SLC25A48: variants seen among roughly 807,000 people sequenced by gnomAD.
SLC25A48 encodes CTC-321K16.1.
SLC25A48 carries 29 observed loss-of-function variants against 32.2 expected under a neutral mutation model. The ratio of observed to expected loss-of-function variants is 0.90; its 90% CI spans 0.67 to 1.23. SLC25A48 has a LOEUF of 1.23. SLC25A48 is among the 50% of genes most tolerant of loss of function. The pLI is 0.00. For synonymous variants in SLC25A48, 164 were observed against 172.3 expected (o/e 0.95, Z 0.38); for missense variants, 399 against 422.7 (o/e 0.94, Z 0.49).
At chr5:135,887,452 ATGTGTG>A (rs372688192) in intron 7 of SLC25A48, among the ~76,000 whole-genome samples, 5 of 149,748 alleles carry the variant, frequency 3.3e-5, no homozygotes, top group South Asian at 4.3e-4. Flanking sequence ...AAAAATACAT[ATGTGTG>A]TGTGTGTGTG....
chr5:135,757,689 TTAA>T (rs1755951545), intron 3 of SLC25A48, among the ~76,000 whole-genome samples: 3 of 149,934 alleles, frequency 2.0e-5, no homozygotes, highest in Admixed American at 1.3e-4. Context: ...CACTATGATA[TTAA>T]TAAAATATCA....
At chr5:135,699,398 C>T (rs200569270) in intron 3 of SLC25A48, among the ~76,000 whole-genome samples, 46 of 99,812 alleles carry the variant, frequency 4.6e-4, no homozygotes, top group African/African-American at 7.6e-4. Context: ...AAAAACATTA[C>T]GCTGGGAAAA....
intron 6 of SLC25A48, among the ~76,000 whole-genome samples, chr5:135,877,295 G>A (rs1474765366): frequency 2.0e-5 from 3 of 152,206 alleles, no homozygotes; most frequent in Non-Finnish European, 4.4e-5. Flanking sequence ...TGAGCACCTT[G>A]GTAATCTTGG....
intron 3 of SLC25A48, among the ~76,000 whole-genome samples, chr5:135,635,381 A>ATGTTTAATT (rs1561768377): frequency 1.3e-5 from 2 of 152,198 alleles, no homozygotes; most frequent in Admixed American, 1.3e-4. Flanking sequence ...GTCCATAATT[A>ATGTTTAATT]AACAGGTAGA....
intron 1 of SLC25A48, among the ~76,000 whole-genome samples, chr5:135,590,482 A>G (rs1382406951): frequency 6.6e-6 from 1 of 152,044 alleles, no homozygotes; most frequent in African/African-American, 2.4e-5. Context: ...TGGAGCCCCC[A>G]AGAATGCACC....
At chr5:135,670,728 ACGTTTTG>A (rs2126941793) in intron 3 of SLC25A48, among the ~76,000 whole-genome samples, 1 of 152,220 alleles carries the variant, frequency 6.6e-6, no homozygotes, top group African/African-American at 2.4e-5. Flanking sequence ...GAAGCATTCA[ACGTTTTG>A]CGAGTCTCCT....
chr5:135,745,147 G>T (rs994244137), intron 3 of SLC25A48, among the ~76,000 whole-genome samples: 2 of 152,204 alleles, frequency 1.3e-5, no homozygotes, highest in Non-Finnish European at 2.9e-5. Flanking sequence ...AGACCTGAGA[G>T]CCCCGAACAG....
intron 1 of SLC25A48, among the ~76,000 whole-genome samples, chr5:135,841,166 TAC>T (rs1758956985): frequency 6.6e-6 from 1 of 152,236 alleles, no homozygotes. Flanking sequence ...CCCAAATGAC[TAC>T]AGATGTTGAG....
intron 3 of SLC25A48, among the ~76,000 whole-genome samples, chr5:135,659,296 C>T (rs1382753768): frequency 6.6e-6 from 1 of 152,198 alleles, no homozygotes; most frequent in Non-Finnish European, 1.5e-5. Flanking sequence ...TTTCACAGAT[C>T]TCTAAAGCAG....
At chr5:135,866,981 A>G (rs879654310) in intron 4 of SLC25A48, among the ~76,000 whole-genome samples, 3 of 152,180 alleles carry the variant, frequency 2.0e-5, no homozygotes, top group Non-Finnish European at 4.4e-5. Flanking sequence ...CTAGAGAGGC[A>G]GCAGTTTTTG....
intron 3 of SLC25A48, among the ~76,000 whole-genome samples, chr5:135,701,366 A>T (rs1035498858): frequency 2.0e-5 from 3 of 151,932 alleles, no homozygotes; most frequent in African/African-American, 7.3e-5. Flanking sequence ...AATCACCTCT[A>T]CCCTGTTCTC....
intron 3 of SLC25A48, 140 bp from the exon 4 acceptor site, chr5:135,852,423 C>T: frequency 9.5e-7 from 1 of 1,055,786 alleles, no homozygotes; most frequent in Non-Finnish European, 1.4e-6. Context: ...CACCCCCTAC[C>T]TCCTGTCGCA....
At chr5:135,873,841 CT>C (rs1761851657) in intron 5 of SLC25A48, among the ~76,000 whole-genome samples, 179 bp from the exon 6 acceptor site, 1 of 152,216 alleles carries the variant, frequency 6.6e-6, no homozygotes, top group African/African-American at 2.4e-5. Context: ...GAGGAAACTT[CT>C]GCCAAGTCTC....
At chr5:135,809,087 A>G (rs529106953) in intron 3 of SLC25A48, among the ~76,000 whole-genome samples, 2 of 151,882 alleles carry the variant, frequency 1.3e-5, no homozygotes, top group Non-Finnish European at 2.9e-5. Context: ...GGATCGCTTG[A>G]GGCTAGGAGT....
At chr5:135,745,701 T>A (rs974286805) in intron 3 of SLC25A48, among the ~76,000 whole-genome samples, 2 of 152,220 alleles carry the variant, frequency 1.3e-5, no homozygotes, top group Non-Finnish European at 2.9e-5. Context: ...CACGTGTTTA[T>A]ATTTCCCCTG....
intron 3 of SLC25A48, chr5:135,802,902 T>G (rs1210831930): frequency 3.3e-5 from 5 of 151,670 alleles, no homozygotes; most frequent in Non-Finnish European, 1.5e-5. Context: ...TAGGGAGATA[T>G]TACTCCTAAT....
At chr5:135,785,588 C>G (rs758623684) in intron 3 of SLC25A48, among the ~76,000 whole-genome samples, 1 of 148,536 alleles carries the variant, frequency 6.7e-6, no homozygotes, top group Non-Finnish European at 1.5e-5. Flanking sequence ...CCCCATGGGG[C>G]GAGGGGTGGA....
intron 4 of SLC25A48, among the ~76,000 whole-genome samples, chr5:135,870,358 G>A (rs915058765): frequency 1.3e-5 from 2 of 152,170 alleles, no homozygotes; most frequent in African/African-American, 4.8e-5. Context: ...ATGAGTCAAA[G>A]CCTCATAGTA....
chr5:135,651,190 T>C (rs1446872017), intron 3 of SLC25A48, among the ~76,000 whole-genome samples: 2 of 152,206 alleles, frequency 1.3e-5, no homozygotes, highest in African/African-American at 4.8e-5. Context: ...CCTGAGAGCA[T>C]GTAGTTTCTG....
Sources: gnomAD v4.1 joint callset for allele counts (sites outside exome capture counted in the v4.1 genomes callset) on GRCh38, gnomAD v4.1.1 for gene constraint, MANE v1.5 for transcripts, NCBI Gene and HGNC (gene_info 2026-07-23, HGNC 2026-07-21) for gene names.